ANTXR1: variants seen among roughly 807,000 people sequenced by gnomAD.
ANTXR1 encodes anthrax toxin receptor 1.
Under a neutral mutation model 78.1 loss-of-function variants are expected in ANTXR1, and 19 were observed. That is an observed-to-expected ratio of 0.24 (90% CI 0.17 to 0.36). The LOEUF is 0.36. ANTXR1 is among the 10% of genes least tolerant of loss of function. The probability of loss-of-function intolerance (pLI) is 1.00; values close to 1 mark genes in which losing one functional copy is unlikely to be tolerated. For missense variants in ANTXR1, 518 were observed against 718.6 expected (o/e 0.72, Z 3.19); for synonymous variants, 273 against 260.5 (o/e 1.05, Z -0.46).
chr2:69,209,290 C>T (rs974525523), intron 17 of ANTXR1, among the ~76,000 whole-genome samples: 5 of 152,152 alleles, frequency 3.3e-5, no homozygotes, highest in Admixed American at 6.5e-5. Flanking sequence ...TCATGTTTGA[C>T]GAGAGCCATA....
intron 13 of ANTXR1, among the ~76,000 whole-genome samples, chr2:69,160,970 C>G (rs79270067): frequency 0.019 from 2,895 of 152,278 alleles, 103 homozygotes; most frequent in African/African-American, 0.066. Flanking sequence ...TGTGCCCTCC[C>G]TGGAGGCTGT....
intron 13 of ANTXR1, among the ~76,000 whole-genome samples, chr2:69,154,434 T>C (rs1299156365): frequency 6.6e-6 from 1 of 152,088 alleles, no homozygotes; most frequent in East Asian, 1.9e-4. Flanking sequence ...GGGGTGATGC[T>C]CCAGAGCAGG....
intron 17 of ANTXR1, among the ~76,000 whole-genome samples, chr2:69,241,560 C>T (rs1675894398): frequency 6.6e-6 from 1 of 152,166 alleles, no homozygotes; most frequent in Admixed American, 6.5e-5. Flanking sequence ...AGTTACAGGA[C>T]TTGGTGGCAA....
chr2:69,120,676 T>A (rs545771298), intron 10 of ANTXR1, among the ~76,000 whole-genome samples: 363 of 151,310 alleles, frequency 2.4e-3, no homozygotes, highest in African/African-American at 5.6e-3. Flanking sequence ...AAAAAAAAGA[T>A]AATAATAATA....
rs5831966 is a variant in ANTXR1 at position 69,184,063 on chromosome 2, T to TCA, written c.1353+1422_1353+1423dup. 4.6e-3 allele frequency among the ~76,000 whole-genome samples: 688 copies of TCA among 149,904 alleles called. 7 individuals carry two copies. Among genetic ancestry groups the TCA allele is most frequent in the African/African-American group, 0.01 (411 of 41,014 alleles). On this transcript the variant is annotated intron_variant, in intron 16 of 17. Transcript: ENST00000303714. ...TCACCATCCATACACATACACACACTCACACACACACACACACACAGCCTT... is the reference window on the plus strand; with the variant it reads ...TCACCATCCATACACATACACACACTCACACACACACACACACACACAGCCTT...
intron 1 of ANTXR1, among the ~76,000 whole-genome samples, chr2:69,018,965 C>A (rs1327432936): frequency 2.6e-5 from 4 of 152,170 alleles, no homozygotes; most frequent in African/African-American, 9.7e-5. Context: ...GAACTCCAAC[C>A]CCCTGCAACC....
At chr2:69,081,779 A>T (rs1670908285) in intron 8 of ANTXR1, among the ~76,000 whole-genome samples, 1 of 152,248 alleles carries the variant, frequency 6.6e-6, no homozygotes, top group Admixed American at 6.5e-5. Flanking sequence ...TTTCTTAGGA[A>T]GCTAAAAATA....
At chr2:69,190,603 C>G (rs972962537) in intron 16 of ANTXR1, among the ~76,000 whole-genome samples, 3 of 152,148 alleles carry the variant, frequency 2.0e-5, no homozygotes, top group African/African-American at 7.2e-5. Flanking sequence ...ATCATCTCCA[C>G]TTTAAATATG....
At chr2:69,124,277 C>T (rs1558574239) in intron 11 of ANTXR1, among the ~76,000 whole-genome samples, 1 of 152,230 alleles carries the variant, frequency 6.6e-6, no homozygotes, top group Non-Finnish European at 1.5e-5. Context: ...GTAAGCTTTG[C>T]CCATTCAATG....
intron 16 of ANTXR1, chr2:69,182,957 C>A: frequency 1.7e-5 from 6 of 360,108 alleles, no homozygotes; most frequent in South Asian, 3.4e-5. Context: ...GGATGACATG[C>A]AAATTCGTGA....
At chr2:69,040,586 C>T (rs1363623753) in intron 2 of ANTXR1, among the ~76,000 whole-genome samples, 2 of 152,168 alleles carry the variant, frequency 1.3e-5, no homozygotes, top group East Asian at 1.9e-4. Context: ...GACAATTGGT[C>T]GCTCTCTAGC....
chr2:69,188,108 TTTTG>T (rs1275857338), intron 16 of ANTXR1, among the ~76,000 whole-genome samples: 2 of 151,636 alleles, frequency 1.3e-5, no homozygotes, highest in African/African-American at 4.9e-5. Flanking sequence ...GCTTTGGGTT[TTTTG>T]TTTGTTTGAT....
At chr2:69,033,892 G>C (rs918014067) in intron 1 of ANTXR1, among the ~76,000 whole-genome samples, 2 of 152,220 alleles carry the variant, frequency 1.3e-5, no homozygotes, top group Non-Finnish European at 2.9e-5. Flanking sequence ...GGTTGTATGT[G>C]TGGCTAATGG....
At chr2:69,016,833 G>A (rs1438357736) in intron 1 of ANTXR1, among the ~76,000 whole-genome samples, 1 of 152,170 alleles carries the variant, frequency 6.6e-6, no homozygotes, top group African/African-American at 2.4e-5. Flanking sequence ...TGAAAATCAT[G>A]TCAAGTGGGT....
intron 1 of ANTXR1, among the ~76,000 whole-genome samples, chr2:69,016,264 T>G (rs1250944572): frequency 6.6e-6 from 1 of 152,204 alleles, no homozygotes; most frequent in Non-Finnish European, 1.5e-5. Context: ...TTAACTAATT[T>G]GAACTTTAAT....
At chr2:69,072,989 G>C in intron 5 of ANTXR1, 33 bp from the exon 6 acceptor site, 1 of 1,606,482 alleles carries the variant, frequency 6.2e-7, no homozygotes, top group East Asian at 2.2e-5. Flanking sequence ...GTGGAGCAGG[G>C]TGGACTGAGC....
chr2:69,199,196 G>T (rs1443028630), intron 17 of ANTXR1, among the ~76,000 whole-genome samples: 1 of 152,240 alleles, frequency 6.6e-6, no homozygotes, highest in Non-Finnish European at 1.5e-5. Context: ...TTAAAGCACA[G>T]CTTGCTGAAC....
At chr2:69,183,568 A>ATTTTTTTTTTTTTTTTTTTTTTTTT (rs1558628939) in intron 16 of ANTXR1, among the ~76,000 whole-genome samples, 1 of 118,378 alleles carries the variant, frequency 8.4e-6, no homozygotes. Context: ...CACCCAGCTA[A>ATTTTTTTTTTTTTTTTTTTTTTTTT]TTTTTGTTTT....
At chr2:69,097,486 G>A (rs2104303556) in intron 9 of ANTXR1, among the ~76,000 whole-genome samples, 1 of 152,346 alleles carries the variant, frequency 6.6e-6, no homozygotes. Flanking sequence ...AGCAACATCA[G>A]ATAGTGGTGT....
Sources: gnomAD v4.1 joint callset for allele counts (sites outside exome capture counted in the v4.1 genomes callset) on GRCh38, gnomAD v4.1.1 for gene constraint, MANE v1.5 for transcripts, NCBI Gene and HGNC (gene_info 2026-07-23, HGNC 2026-07-21) for gene names.